Variants in ARHGAP42 observed in about 807,000 individuals in gnomAD.
ARHGAP42 encodes rho GTPase-activating protein 42.
A neutral mutation model predicts 125.0 loss-of-function variants in ARHGAP42; 63 were observed. That is an observed-to-expected ratio of 0.50 (90% CI 0.41 to 0.62). The LOEUF is 0.62. Ranked by LOEUF, ARHGAP42 falls within the 20% of genes least tolerant of loss-of-function variation. The pLI is 0.00. For missense variants in ARHGAP42, 766 were observed against 1,024.2 expected, an observed-to-expected ratio of 0.75 and a Z score of 3.44; for synonymous variants, 339 against 351.0, an observed-to-expected ratio of 0.97 and a Z score of 0.38.
chr11:100,961,919 T>C (rs1237782988), intron 15 of ARHGAP42, among the ~76,000 whole-genome samples, 151 bp downstream of exon 15: 1 of 152,198 alleles, frequency 6.6e-6, no homozygotes, highest in Non-Finnish European at 1.5e-5. Flanking sequence ...CATGGTAACA[T>C]TTACATTTAG....
intron 10 of ARHGAP42, 116 bp from the exon 11 acceptor site, chr11:100,948,341 C>T: frequency 2.8e-6 from 2 of 720,936 alleles, no homozygotes; most frequent in Non-Finnish European, 4.3e-6. Flanking sequence ...TTTTTCTCCT[C>T]TGTCTTCATT....
At chr11:100,900,553 CAT>C (rs1397256652) in intron 4 of ARHGAP42, among the ~76,000 whole-genome samples, 1 of 152,288 alleles carries the variant, frequency 6.6e-6, no homozygotes, top group South Asian at 2.1e-4. Context: ...ACCAATCAAA[CAT>C]AGATTTGGTC....
At chr11:100,881,621 G>A (rs1229086874) in intron 4 of ARHGAP42, among the ~76,000 whole-genome samples, 1 of 152,054 alleles carries the variant, frequency 6.6e-6, no homozygotes, top group Non-Finnish European at 1.5e-5. Flanking sequence ...AAGAATGATG[G>A]TGTCATTTTG....
At chr11:100,722,553 G>A (rs1427657929) in intron 1 of ARHGAP42, among the ~76,000 whole-genome samples, 1 of 151,812 alleles carries the variant, frequency 6.6e-6, no homozygotes, top group Non-Finnish European at 1.5e-5. Context: ...ACCATGCCTG[G>A]GTAATTTTGT....
At chr11:100,831,121 C>T (rs187101789) in intron 3 of ARHGAP42, among the ~76,000 whole-genome samples, 197 of 152,216 alleles carry the variant, frequency 1.3e-3, no homozygotes, top group Middle Eastern at 3.4e-3. Context: ...GTTCTAATCA[C>T]GTGAGCTTGG....
chr11:100,992,200 T>G lies in ARHGAP42; in HGVS notation c.*3399T>G, dbSNP rs1858847907. The G allele has an allele frequency of 7.8e-7, 1 of 1,278,708 alleles. No homozygotes were observed. 79.2% of individuals were successfully genotyped at this position (1,278,708 alleles called of 1,614,324 possible). The stretch of plus-strand genomic sequence containing the variant: ...TATTCAGGATGCCTTCTTTAGCATT[T>G]AGAACCCCAACTAGACTTATACTTT... On this transcript the variant is annotated 3_prime_UTR_variant, in exon 24 of 24. Transcript: ENST00000298815.
intron 1 of ARHGAP42, among the ~76,000 whole-genome samples, chr11:100,755,536 G>A (rs1045511176): frequency 2.0e-5 from 3 of 152,136 alleles, no homozygotes. Context: ...CCAAAATATT[G>A]CACACAGTTC....
intron 4 of ARHGAP42, among the ~76,000 whole-genome samples, chr11:100,869,281 G>A (rs956720740): frequency 6.6e-6 from 1 of 152,070 alleles, no homozygotes; most frequent in South Asian, 2.1e-4. Flanking sequence ...AAGGGGCATT[G>A]CCAGCCACCA....
rs147559532 is a variant in ARHGAP42 at position 100,820,405 on chromosome 11, T to C, written c.312+25239T>C. 2.6e-3 allele frequency among the ~76,000 whole-genome samples: 401 copies of C among 152,238 alleles called. 3 individuals are homozygous for C. Among genetic ancestry groups the C allele is most frequent in the African/African-American group, 9.2e-3 (384 of 41,564 alleles). Reference sequence around the variant, plus strand: ...ACATTGTTCTCATCAGTAGAGGGACTCCTGAATGTTCTTTGCTACCATTTG... The same window carrying C: ...ACATTGTTCTCATCAGTAGAGGGACCCCTGAATGTTCTTTGCTACCATTTG... On this transcript the variant is annotated intron_variant, in intron 3 of 23. Transcript: ENST00000298815.
chr11:100,828,085 G>A (rs1314513531), intron 3 of ARHGAP42, among the ~76,000 whole-genome samples: 2 of 152,136 alleles, frequency 1.3e-5, no homozygotes, highest in African/African-American at 4.8e-5. Flanking sequence ...AAAAGTCATG[G>A]CTCTTAACAT....
At chr11:100,807,690 G>A (rs1855501103) in intron 3 of ARHGAP42, among the ~76,000 whole-genome samples, 1 of 152,146 alleles carries the variant, frequency 6.6e-6, no homozygotes, top group South Asian at 2.1e-4. Flanking sequence ...GATATGAGCT[G>A]CCACACAACA....
intron 3 of ARHGAP42, among the ~76,000 whole-genome samples, chr11:100,841,019 T>C (rs947820046): frequency 6.6e-6 from 1 of 152,154 alleles, no homozygotes. Context: ...CAGTGTAGTA[T>C]AACTTTGACA....
intron 1 of ARHGAP42, among the ~76,000 whole-genome samples, chr11:100,709,945 T>C (rs972867923): frequency 9.9e-5 from 15 of 152,208 alleles, no homozygotes; most frequent in African/African-American, 2.9e-4. Flanking sequence ...GCCTGTGATA[T>C]ACACACTGTG....
Position 100,827,002 on chromosome 11 carries a change from CTTTTTTT to C in ARHGAP42, c.312+31854_312+31860del, listed in dbSNP as rs869260353. 2.0e-4 allele frequency among the ~76,000 whole-genome samples: 16 copies of C among 80,894 alleles called. No individual in the cohort carries two copies. In the East Asian group the frequency reaches 5.9e-3, roughly 30 times the overall value. The allele number at this position is 80,894 out of a possible 152,430, so 53.1% of individuals were successfully genotyped here. ...TGAATTTTGTTGTGAGCCTTACATCCTTTTTTTTTTTTTTTTTTTTTTTTGAGACTGA... is the reference window on the plus strand; with the variant it reads ...TGAATTTTGTTGTGAGCCTTACATCCTTTTTTTTTTTTTTTTTGAGACTGA... On this transcript the variant is annotated intron_variant, in intron 3 of 23. Coordinates refer to ENST00000298815, the MANE Select transcript of ARHGAP42 (RefSeq NM_152432.4).
At chr11:100,769,247 G>A (rs1862913073) in intron 1 of ARHGAP42, among the ~76,000 whole-genome samples, 1 of 152,166 alleles carries the variant, frequency 6.6e-6, no homozygotes, top group Non-Finnish European at 1.5e-5. Context: ...GCTTGACTGT[G>A]TGAGGAAACA....
At chr11:100,716,061 T>C (rs552809084) in intron 1 of ARHGAP42, among the ~76,000 whole-genome samples, 1 of 152,250 alleles carries the variant, frequency 6.6e-6, no homozygotes, top group East Asian at 1.9e-4. Flanking sequence ...GACAAATTGG[T>C]ATATTTTTAA....
chr11:100,834,291 T>G (rs190302873), intron 3 of ARHGAP42, among the ~76,000 whole-genome samples: 2 of 152,236 alleles, frequency 1.3e-5, no homozygotes, highest in African/African-American at 4.8e-5. Context: ...TACTGTATTA[T>G]GCTTCTATAC....
At chr11:100,809,750 T>A (rs1864091649) in intron 3 of ARHGAP42, among the ~76,000 whole-genome samples, 1 of 152,056 alleles carries the variant, frequency 6.6e-6, no homozygotes, top group Non-Finnish European at 1.5e-5. Context: ...AGCCCAGAAG[T>A]TTGAGACCAG....
chr11:100,897,837 T>C (rs935973917), intron 4 of ARHGAP42, among the ~76,000 whole-genome samples: 2 of 152,160 alleles, frequency 1.3e-5, no homozygotes, highest in Admixed American at 1.3e-4. Context: ...TTTATTTCTT[T>C]CTCTTGCCTG....
Sources: gnomAD v4.1 joint callset for allele counts (sites outside exome capture counted in the v4.1 genomes callset) on GRCh38, gnomAD v4.1.1 for gene constraint, MANE v1.5 for transcripts, NCBI Gene and HGNC (gene_info 2026-07-23, HGNC 2026-07-21) for gene names.